The following MSH6 variants were observed in gnomAD, a reference collection of about 807,000 sequenced individuals.
The protein encoded by MSH6 is mutS homolog 6, also known as DNA mismatch repair protein Msh6.
A neutral mutation model predicts 119.1 loss-of-function variants in MSH6; 85 were observed. That is an observed-to-expected ratio of 0.71 (90% CI 0.60 to 0.85). The LOEUF is 0.85. Ranked by LOEUF, MSH6 falls within the 40% of genes least tolerant of loss-of-function variation. MSH6 has a pLI of 0.00. For synonymous variants in MSH6, 830 were observed against 586.9 expected (o/e 1.41, Z -5.99); for missense variants, 2,163 against 1,655.3 (o/e 1.31, Z -5.32).
intron 1 of MSH6, among the ~76,000 whole-genome samples, chr2:47,788,915 T>TTTTTC (rs1668538101): frequency 1.7e-5 from 1 of 59,412 alleles, no homozygotes; most frequent in Non-Finnish European, 3.6e-5. Context: ...TCCTTTTTTT[T>TTTTTC]TTTTTTGTTT....
At position 47,796,060 on chromosome 2, in the gene MSH6, G is replaced by A. The variant is rs1060502878; in HGVS notation, c.624G>A (p.Met208Ile). The change falls in exon 3 of 10, where the codon ATG becomes ATA. Residue 208 changes from methionine to isoleucine, a missense_variant. Transcript: ENST00000234420. ...EPSEPEEEEEMEVGTTYVTDK... is the reference protein window; with the variant it reads ...EPSEPEEEEEIEVGTTYVTDK... ...CAGAGCCAGAAGAGGAAGAAGAGAT[G>A]GAGGTGGGACACGGCAAGCATTCAG... 1.9e-6 allele frequency: 3 copies of A among 1,614,000 alleles called. No homozygotes were observed. The highest frequency in any genetic ancestry group is 1.3e-5 in the African/African-American group (1 of 74,914).
rs63750909 is a variant in MSH6 at position 47,799,427 on chromosome 2, C to A, written c.1444C>A (p.Arg482=). 53 of 1,613,968 alleles carry A rather than the reference C, an allele frequency of 3.3e-5. No homozygotes were observed. The highest frequency in any genetic ancestry group is 4.3e-5 in the Non-Finnish European group (51 of 1,180,018). Residue 482 remains arginine, a synonymous_variant, in exon 4 of 10, where the codon CGA becomes AGA. Coordinates refer to ENST00000234420, the MANE Select transcript of MSH6 (RefSeq NM_000179.3). ...SLVQKGYKVA[R]VEQTETPEMM... ...GGTGCAGAAGGGCTATAAAGTAGCACGAGTGGAACAGACTGAGACTCCAGA... is the reference window on the plus strand; with the variant it reads ...GGTGCAGAAGGGCTATAAAGTAGCAAGAGTGGAACAGACTGAGACTCCAGA...
At chr2:47,807,972 G>C (rs1023210725), downstream of MSH6, 21 of 714,490 alleles carry the variant, frequency 2.9e-5, no homozygotes, top group African/African-American at 3.5e-5. Context: ...TTGGTAGCTT[G>C]AGCTTCATAG....
rs777900107 is a variant in MSH6, at chr2:47,790,974, A to T, written c.308A>T (p.Tyr103Phe). The change falls in exon 2 of 10, where the codon TAC becomes TTC. Residue 103 changes from tyrosine to phenylalanine, a missense_variant. Transcript: ENST00000234420. ...GDLVWAKMEG[Y>F]PWWPCLVYNH... ...TTGGTTTGGGCCAAGATGGAGGGTT[A>T]CCCCTGGTGGCCTTGTCTGGTTTAC... 1.9e-6 allele frequency: 3 copies of T among 1,614,178 alleles called. No homozygotes were observed. The highest frequency in any genetic ancestry group is 1.7e-6 in the Non-Finnish European group (2 of 1,180,052).
chr2:47,788,930 T>TTTTTTTTTTTTTTG (rs1668550483), intron 1 of MSH6, among the ~76,000 whole-genome samples: 2 of 92,722 alleles, frequency 2.2e-5, no homozygotes, highest in African/African-American at 1.0e-4. Flanking sequence ...TTGTTTTTTT[T>TTTTTTTTTTTTTTG]TTTTTTTTTT....
In MSH6 at chr2:47,803,624, A is replaced by C. The variant is rs766608409; in HGVS notation, c.3377A>C (p.Lys1126Thr). The C allele has an allele frequency of 6.2e-6, 10 of 1,614,092 alleles. No homozygotes were observed. The highest frequency in any genetic ancestry group is 8.5e-6 in the Non-Finnish European group (10 of 1,180,036). The change falls in exon 5 of 10, where the codon AAA (lysine) becomes ACA (threonine). Residue 1126 changes from lysine (K) to threonine (T), a missense_variant. Lys to Thr is a moderately conservative substitution (Grantham distance 78). Coordinates refer to ENST00000234420, the MANE Select transcript of MSH6 (RefSeq NM_000179.3). ...GCEEEEQENG[K>T]AYCVLVTGPN... is the part of the protein sequence containing the mutation. ...GAGGAAGAGGAGCAGGAAAATGGCA[A>C]AGCCTATTGTGTGCTTGTTACTGGA...
rs143520357 is a variant in MSH6 at position 47,800,810 on chromosome 2, G to T, written c.2827G>T (p.Asp943Tyr). The T allele has an allele frequency of 5.3e-5, 86 of 1,613,978 alleles. No homozygotes were observed. Among genetic ancestry groups the T allele is most frequent in the Non-Finnish European group, 6.9e-5 (81 of 1,180,022 alleles). ...CTCTGATTATGACCAAGCTCTTGCT[G>T]ACATAAGAGAAAATGAACAGAGCCT... ...FDSDYDQALA[D>Y]IRENEQSLLE... Residue 943 changes from aspartate (D) to tyrosine (Y), a missense_variant, in exon 4 of 10, where the codon GAC (aspartate) becomes TAC (tyrosine). Physicochemically the swap from Asp to Tyr is radical, Grantham distance 160. Coordinates refer to ENST00000234420, the MANE Select transcript of MSH6 (RefSeq NM_000179.3).
intron 2 of MSH6, among the ~76,000 whole-genome samples, chr2:47,791,476 G>T (rs548793843): frequency 4.7e-4 from 71 of 152,210 alleles, no homozygotes; most frequent in Non-Finnish European, 9.4e-4. Flanking sequence ...TCTAGGGAAA[G>T]ATGGAGATGC....
At chr2:47,809,076 T>C (rs1670433956), downstream of MSH6, 3 of 838,324 alleles carry the variant, frequency 3.6e-6, no homozygotes, top group Non-Finnish European at 5.7e-6. Flanking sequence ...CACCGGCAAA[T>C]AGCCAAAAAT....
At chr2:47,807,005 C>A (rs1302426052), downstream of MSH6, 1 of 688,444 alleles carries the variant, frequency 1.5e-6, no homozygotes, top group South Asian at 1.6e-5. Context: ...TTCTTATCTA[C>A]CTTCTACATA....
rs879169104 is a variant in MSH6, at chr2:47,805,806, T to C, written c.3646+99T>C. On this transcript the variant is annotated intron_variant, in intron 7 of 9. Coordinates refer to ENST00000234420, the MANE Select transcript of MSH6 (RefSeq NM_000179.3). The stretch of plus-strand genomic sequence containing the variant: ...GATTATCTGAAGTACATTTAAACAA[T>C]ATGAATGTTTTTAGAGCACGCACTC... 21 of 958,180 alleles carry C rather than the reference T, an allele frequency of 2.2e-5. No homozygotes were observed. The South Asian group carries it at 2.4e-4, about 11-fold the overall frequency. The allele number at this position is 958,180 out of a possible 1,614,324, so 59.4% of individuals were successfully genotyped here.
chr2:47,788,922 G>GTTTTTTTTGTTTTTTTTGTTTTTTTTTT (rs1668541391), intron 1 of MSH6, among the ~76,000 whole-genome samples: 1 of 40,932 alleles, frequency 2.4e-5, no homozygotes, highest in African/African-American at 1.0e-4. Flanking sequence ...TTTTTTTTTT[G>GTTTTTTTTGTTTTTTTTGTTTTTTTTTT]TTTTTTTTTT....
At position 47,806,194 on chromosome 2, in the gene MSH6, A is replaced by G. The variant is rs756569687; in HGVS notation, c.3647-10A>G. On this transcript the variant is annotated splice_polypyrimidine_tract_variant and intron_variant, in intron 7 of 9. Transcript: ENST00000234420. Reference sequence around the variant, plus strand: ...TGAGTTACTTCCTTATGCATATTTTACTTTAACAGGAAGAGGTACTGCAAC... The same window carrying G: ...TGAGTTACTTCCTTATGCATATTTTGCTTTAACAGGAAGAGGTACTGCAAC... 1 of 1,613,156 alleles carries G rather than the reference A, an allele frequency of 6.2e-7. No homozygotes were observed. The highest frequency in any genetic ancestry group is 1.3e-5 in the African/African-American group (1 of 74,988).
At chr2:47,788,907 C>CTTTTTTTTTTTTTTTTTTTTT (rs1558650117) in intron 1 of MSH6, among the ~76,000 whole-genome samples, 7 of 17,276 alleles carry the variant, frequency 4.1e-4, no homozygotes, top group South Asian at 1.7e-3. Flanking sequence ...TTTCTTCTTC[C>CTTTTTTTTTTTTTTTTTTTTT]TTTTTTTTTT....
At chr2:47,801,366 T>TTTTTTTTTG in intron 4 of MSH6, 2 of 452,586 alleles carry the variant, frequency 4.4e-6, no homozygotes, top group South Asian at 5.3e-5. Flanking sequence ...CTTCAGTTTT[T>TTTTTTTTTG]TTTTTTTTTT....
At chr2:47,803,272 G>C (rs879511202) in intron 4 of MSH6, 148 bp from the exon 5 acceptor site, 14 of 1,103,680 alleles carry the variant, frequency 1.3e-5, no homozygotes, top group Admixed American at 6.1e-5. Context: ...ATGTTAGAGG[G>C]TAAGTATTTT....
In MSH6 at chr2:47,788,922, G is replaced by GTTTTTTTT. The variant is rs1558650240; in HGVS notation, c.261-1987_261-1980dup. ...TTTCTTCTTCCTTTTTTTTTTTTTTGTTTTTTTTTTTTTTTTTTTTTTTTT... is the reference window on the plus strand; with the variant it reads ...TTTCTTCTTCCTTTTTTTTTTTTTTGTTTTTTTTTTTTTTTTTTTTTTTTTTTTTTTTT... On this transcript the variant is annotated intron_variant, in intron 1 of 9. Transcript: ENST00000234420. Among the ~76,000 whole-genome samples the GTTTTTTTT allele has an allele frequency of 2.7e-3, 109 of 40,946 alleles. 3 individuals are homozygous for GTTTTTTTT. The highest frequency in any genetic ancestry group is 5.3e-3 in the South Asian group (5 of 950). The allele number at this position is 40,946 out of a possible 152,430, so 26.9% of individuals were successfully genotyped here.
At chr2:47,801,259 T>C in intron 4 of MSH6, 104 bp downstream of exon 4, 1 of 1,244,170 alleles carries the variant, frequency 8.0e-7, no homozygotes, top group Non-Finnish European at 1.1e-6. Flanking sequence ...TGGTACATAT[T>C]TTGACATGCA....
intron 3 of MSH6, 81 bp downstream of exon 3, chr2:47,796,144 C>G (rs1447434649): frequency 7.1e-7 from 1 of 1,415,392 alleles, no homozygotes; most frequent in African/African-American, 1.4e-5. Flanking sequence ...AACAAGATAC[C>G]TTGTTTTATA....
Sources: allele counts gnomAD v4.1 joint callset (sites outside exome capture counted in the v4.1 genomes callset), GRCh38; gene constraint gnomAD v4.1.1; transcripts MANE v1.5; gene names NCBI Gene and HGNC (gene_info 2026-07-23, HGNC 2026-07-21).